STPG4: variants seen among roughly 807,000 people sequenced by gnomAD.
The protein encoded by STPG4 is protein STPG4.
STPG4 carries 41 observed loss-of-function variants against 31.5 expected under a neutral mutation model. The observed-to-expected ratio is 1.30, with a 90% CI of 1.01 to 1.69. The LOEUF (loss-of-function observed/expected upper bound fraction) is 1.69, where lower values mean the gene tolerates loss of function less well. STPG4 is among the 40% of genes most tolerant of loss of function. The pLI is 0.00. For synonymous variants in STPG4, 141 were observed against 103.0 expected (o/e 1.37, Z -2.24); for missense variants, 375 against 293.4 (o/e 1.28, Z -2.03).
intron 5 of STPG4, among the ~76,000 whole-genome samples, chr2:47,106,973 C>A (rs140112383): frequency 0.018 from 2,782 of 152,110 alleles, 53 homozygotes; most frequent in Middle Eastern, 0.031. Flanking sequence ...GGCCTAGAGA[C>A]CTCCCCTCTG....
chr2:47,106,226 T>C (rs1685906396), intron 5 of STPG4, among the ~76,000 whole-genome samples: 1 of 151,908 alleles, frequency 6.6e-6, no homozygotes, highest in South Asian at 2.1e-4. Context: ...CCAAGGCATA[T>C]TTTTCTATGT....
intron 6 of STPG4, 80 bp downstream of exon 6, chr2:47,090,190 T>C (rs1487506456): frequency 1.0e-5 from 10 of 955,312 alleles, no homozygotes; most frequent in Non-Finnish European, 1.3e-5. Context: ...CCGCACCTCC[T>C]ACACACATAG....
chr2:47,124,185 G>C (rs973836671), intron 5 of STPG4, among the ~76,000 whole-genome samples: 1 of 152,058 alleles, frequency 6.6e-6, no homozygotes, highest in Non-Finnish European at 1.5e-5. Context: ...GCTTCACCAT[G>C]TTGGCCAGGC....
intron 3 of STPG4, among the ~76,000 whole-genome samples, chr2:47,140,291 G>A (rs941756880): frequency 2.0e-5 from 3 of 152,184 alleles, no homozygotes; most frequent in African/African-American, 7.2e-5. Flanking sequence ...GGCCTTGTTA[G>A]TAAGAGAGTG....
rs145140602 is a variant in STPG4 at position 47,099,242 on chromosome 2, G to A, written c.520-8868C>T. Among the ~76,000 whole-genome samples the A allele has an allele frequency of 2.7e-3, 414 of 152,292 alleles. 1 individual carries two copies. The highest frequency in any genetic ancestry group is 0.01 in the Middle Eastern group (3 of 294). On this transcript the variant is annotated intron_variant, in intron 5 of 6. Coordinates refer to ENST00000445927, the MANE Select transcript of STPG4 (RefSeq NM_001163561.2). Reference sequence around the variant, plus strand: ...TCATCCTCTGTTTTCTTAGGAGGCCGCAGGAGCAGAAGGCAACCCACAATG... The same window carrying A: ...TCATCCTCTGTTTTCTTAGGAGGCCACAGGAGCAGAAGGCAACCCACAATG...
intron 5 of STPG4, among the ~76,000 whole-genome samples, chr2:47,094,694 G>A (rs980524304): frequency 3.3e-5 from 5 of 152,156 alleles, no homozygotes; most frequent in Admixed American, 2.0e-4. Flanking sequence ...ACCAGGCTCT[G>A]GTGTAACAGG....
intron 5 of STPG4, among the ~76,000 whole-genome samples, chr2:47,119,979 T>C (rs1013042442): frequency 2.6e-5 from 4 of 152,168 alleles, no homozygotes; most frequent in African/African-American, 9.7e-5. Context: ...TTACAGGTCA[T>C]AGGTACATTT....
At chr2:47,114,915 G>T (rs1394667162) in intron 5 of STPG4, among the ~76,000 whole-genome samples, 1 of 152,062 alleles carries the variant, frequency 6.6e-6, no homozygotes, top group Non-Finnish European at 1.5e-5. Flanking sequence ...CTACAGGCAT[G>T]CTCCACCATG....
intron 3 of STPG4, among the ~76,000 whole-genome samples, chr2:47,131,573 C>T (rs1366565347): frequency 1.3e-5 from 2 of 152,180 alleles, no homozygotes; most frequent in Non-Finnish European, 2.9e-5. Flanking sequence ...GAGGCACCTA[C>T]AGAAACAATC....
At chr2:47,108,203 T>C (rs1685962375) in intron 5 of STPG4, among the ~76,000 whole-genome samples, 1 of 151,456 alleles carries the variant, frequency 6.6e-6, no homozygotes, top group African/African-American at 2.4e-5. Context: ...CACTCGGCTC[T>C]ACCAATCAGC....
chr2:47,089,775 T>C (rs1685532021), intron 6 of STPG4, among the ~76,000 whole-genome samples: 1 of 152,196 alleles, frequency 6.6e-6, no homozygotes, highest in South Asian at 2.1e-4. Context: ...TATCTCTCCA[T>C]GGACTTGAGC....
At chr2:47,100,150 C>T (rs1039078894) in intron 5 of STPG4, among the ~76,000 whole-genome samples, 6 of 152,130 alleles carry the variant, frequency 3.9e-5, no homozygotes, top group African/African-American at 1.5e-4. Flanking sequence ...GCAGCTCCAC[C>T]TGCAGCCCTG....
chr2:47,154,266 GCTT>G (rs1436247062), intron 1 of STPG4, among the ~76,000 whole-genome samples: 2 of 152,138 alleles, frequency 1.3e-5, no homozygotes, highest in Admixed American at 6.5e-5. Flanking sequence ...CTAAAGCTGA[GCTT>G]CTTCTTTGAT....
At chr2:47,116,654 C>A (rs1392703057) in intron 5 of STPG4, among the ~76,000 whole-genome samples, 1 of 152,142 alleles carries the variant, frequency 6.6e-6, no homozygotes, top group Non-Finnish European at 1.5e-5. Flanking sequence ...CTCTCAGATA[C>A]CCTAATTCTT....
intron 3 of STPG4, among the ~76,000 whole-genome samples, chr2:47,147,176 T>A (rs1052170413): frequency 1.3e-5 from 2 of 152,024 alleles, no homozygotes; most frequent in African/African-American, 4.8e-5. Context: ...CCCAGGAGAA[T>A]GGCAAAGTAA....
intron 5 of STPG4, among the ~76,000 whole-genome samples, chr2:47,104,121 T>C (rs35123445): frequency 0.055 from 8,397 of 152,016 alleles, 431 homozygotes; most frequent in African/African-American, 0.11. Context: ...AGTTACCCAT[T>C]TGTTGTCCCC....
In STPG4 at chr2:47,151,366, C is replaced by A. The variant is rs746421233; in HGVS notation, c.291G>T (p.Pro97=). The A allele has an allele frequency of 6.2e-7, 1 of 1,614,118 alleles. No homozygotes were observed. The highest frequency in any genetic ancestry group is 8.5e-7 in the Non-Finnish European group (1 of 1,180,022). The part of the protein sequence containing the change: ...QRNNPVLNDL[P]QYMPPDFLDL... ...CCAGGAAGTCAGGAGGCATATACTG[C>A]GGAAGATCATTTAGGACTGGATTGT... Residue 97 remains proline, a synonymous_variant, in exon 3 of 7, where the codon CCG becomes CCT. Transcript: ENST00000445927.
intron 5 of STPG4, among the ~76,000 whole-genome samples, chr2:47,099,775 G>A (rs1032123320): frequency 2.0e-5 from 3 of 152,252 alleles, no homozygotes; most frequent in Non-Finnish European, 2.9e-5. Flanking sequence ...GGCGCTTGCG[G>A]GCCAGCTGGA....
intron 6 of STPG4, 146 bp from the exon 7 acceptor site, chr2:47,087,276 A>G: frequency 1.1e-6 from 1 of 874,192 alleles, no homozygotes; most frequent in South Asian, 1.8e-5. Context: ...GAAGCCTGGC[A>G]GACCCTCGAA....
Sources: gnomAD v4.1 joint callset for allele counts (sites outside exome capture counted in the v4.1 genomes callset) on GRCh38, gnomAD v4.1.1 for gene constraint, MANE v1.5 for transcripts, NCBI Gene and HGNC (gene_info 2026-07-23, HGNC 2026-07-21) for gene names.